TRIO: variants seen among roughly 807,000 people sequenced by gnomAD.
The protein encoded by TRIO is triple functional domain protein.
Under a neutral mutation model 351.9 loss-of-function variants are expected in TRIO, and 58 were observed. That is an observed-to-expected ratio of 0.16 (90% CI 0.13 to 0.21). The LOEUF is 0.21. TRIO is among the 10% of genes least tolerant of loss of function. The pLI, the probability that TRIO is intolerant of heterozygous loss-of-function variation, is 1.00. For missense variants in TRIO, 3,201 were observed against 4,027.8 expected, an observed-to-expected ratio of 0.79 and a Z score of 5.56; for synonymous variants, 1,758 against 1,595.7, an observed-to-expected ratio of 1.10 and a Z score of -2.42.
chr5:14,184,849 G>A (rs765894770), intron 1 of TRIO, among the ~76,000 whole-genome samples: 6 of 152,088 alleles, frequency 3.9e-5, no homozygotes, highest in Non-Finnish European at 5.9e-5. Context: ...CCCTCCTGGC[G>A]TCTGTACTCT....
intron 16 of TRIO, 116 bp downstream of exon 16, chr5:14,367,095 G>C: frequency 1.4e-6 from 2 of 1,410,510 alleles, no homozygotes; most frequent in Non-Finnish European, 1.9e-6. Flanking sequence ...TGGTAAAGAC[G>C]ACTCAGAGGA....
chr5:14,509,973 T>C lies in TRIO; in HGVS notation c.*1551T>C, dbSNP rs1757980845. On this transcript the variant is annotated 3_prime_UTR_variant, in exon 57 of 57. Transcript: ENST00000344204. Reference sequence around the variant, plus strand: ...TTGGGTTTTTGTTTGTTTCTTCTTGTAAAATTGTACAGAAACTTTTTAAAA... The same window carrying C: ...TTGGGTTTTTGTTTGTTTCTTCTTGCAAAATTGTACAGAAACTTTTTAAAA... 1 of 152,290 alleles carries C rather than the reference T, an allele frequency of 6.6e-6. No homozygotes were observed. Among genetic ancestry groups the C allele is most frequent in the Non-Finnish European group, 1.5e-5 (1 of 68,060 alleles). 9.4% of individuals were successfully genotyped at this position (152,290 alleles called of 1,614,324 possible). A position where few individuals can be genotyped will look rare whatever the true frequency, so the allele number is the denominator to read the frequency against.
chr5:14,364,545 A>C, intron 14 of TRIO, 105 bp from the exon 15 acceptor site: 3 of 1,409,538 alleles, frequency 2.1e-6, no homozygotes, highest in East Asian at 2.3e-5. Flanking sequence ...CTTGGCCCCC[A>C]GCTGGGCAGA....
At chr5:14,446,619 C>T (rs1413036608) in intron 34 of TRIO, among the ~76,000 whole-genome samples, 2 of 151,986 alleles carry the variant, frequency 1.3e-5, no homozygotes, top group African/African-American at 2.4e-5. Context: ...CACCTGGGGG[C>T]GCTTTACCTC....
chr5:14,275,961 C>CAT (rs1209132015), intron 2 of TRIO, among the ~76,000 whole-genome samples: 2 of 143,950 alleles, frequency 1.4e-5, no homozygotes, highest in Admixed American at 7.0e-5. Flanking sequence ...CATATATATA[C>CAT]ATATATATAC....
intron 1 of TRIO, among the ~76,000 whole-genome samples, chr5:14,184,806 C>T (rs1436144273): frequency 6.6e-6 from 1 of 152,106 alleles, no homozygotes; most frequent in Non-Finnish European, 1.5e-5. Flanking sequence ...AGTGCGGTTG[C>T]GGGGTTGGTG....
At chr5:14,364,110 G>A (rs367937112) in intron 14 of TRIO, among the ~76,000 whole-genome samples, 183 bp downstream of exon 14, 1 of 152,180 alleles carries the variant, frequency 6.6e-6, no homozygotes, top group East Asian at 1.9e-4. Flanking sequence ...CATGGTTAGA[G>A]TACTCACCCA....
At chr5:14,313,354 A>G (rs772885440) in intron 8 of TRIO, among the ~76,000 whole-genome samples, 3 of 152,214 alleles carry the variant, frequency 2.0e-5, no homozygotes, top group Admixed American at 6.5e-5. Context: ...TTCGAAATCC[A>G]GTCATGATCT....
At chr5:14,391,840 C>T (rs532746147) in intron 27 of TRIO, among the ~76,000 whole-genome samples, 22 of 152,294 alleles carry the variant, frequency 1.4e-4, no homozygotes, top group African/African-American at 5.3e-4. Flanking sequence ...AGATGAAGCC[C>T]TACCTGTAGA....
intron 1 of TRIO, among the ~76,000 whole-genome samples, chr5:14,196,940 G>A (rs1414160316): frequency 2.0e-5 from 3 of 152,228 alleles, no homozygotes. Context: ...AACAACTTCA[G>A]GTGAGTCTAA....
intron 1 of TRIO, among the ~76,000 whole-genome samples, chr5:14,180,330 G>A (rs1048710836): frequency 1.9e-4 from 29 of 152,170 alleles, no homozygotes; most frequent in African/African-American, 6.7e-4. Flanking sequence ...TGAAGGTAAT[G>A]GGACAAAAGA....
chr5:14,185,024 T>G (rs571462049), intron 1 of TRIO, among the ~76,000 whole-genome samples: 179 of 152,316 alleles, frequency 1.2e-3, no homozygotes, highest in Non-Finnish European at 1.2e-3. Flanking sequence ...CCATGACTCA[T>G]GGACAGTTTT....
In TRIO at chr5:14,222,146, T is replaced by TC. The variant is rs1391564560; in HGVS notation, c.158-48679_158-48678insC. On this transcript the variant is annotated intron_variant, in intron 1 of 56. Transcript: ENST00000344204. ...GATGTTAGCACTTTTTCTTTTCTTTTTTTTTTTTTTAGCAATAAAGTATTT... is the reference window on the plus strand; with the variant it reads ...GATGTTAGCACTTTTTCTTTTCTTTTCTTTTTTTTTTAGCAATAAAGTATTT... Among the ~76,000 whole-genome samples the TC allele has an allele frequency of 7.9e-5, 12 of 151,532 alleles. 1 individual carries two copies. Among genetic ancestry groups the TC allele is most frequent in the East Asian group, 3.9e-4 (2 of 5,166 alleles).
intron 1 of TRIO, among the ~76,000 whole-genome samples, chr5:14,162,305 CTG>C (rs1427730570): frequency 1.3e-5 from 2 of 152,192 alleles, no homozygotes; most frequent in Non-Finnish European, 2.9e-5. Flanking sequence ...TTTGAAGTCA[CTG>C]TGTTGCCATA....
chr5:14,499,798 T>G (rs539973674), intron 53 of TRIO, among the ~76,000 whole-genome samples: 1 of 152,066 alleles, frequency 6.6e-6, no homozygotes, highest in East Asian at 1.9e-4. Flanking sequence ...ACACCTGTAA[T>G]CCCAGCGCTT....
intron 8 of TRIO, among the ~76,000 whole-genome samples, chr5:14,312,264 C>A (rs1322709832): frequency 6.6e-6 from 1 of 152,182 alleles, no homozygotes; most frequent in East Asian, 1.9e-4. Context: ...AGTAAATATT[C>A]AAGAAGCAGC....
chr5:14,368,621 G>A, intron 16 of TRIO, 87 bp from the exon 17 acceptor site: 1 of 1,410,972 alleles, frequency 7.1e-7, no homozygotes, highest in Non-Finnish European at 9.7e-7. Context: ...AAATCATGAA[G>A]AACAGAGTAA....
At chr5:14,504,870 C>G (rs982904968) in intron 55 of TRIO, among the ~76,000 whole-genome samples, 5 of 147,932 alleles carry the variant, frequency 3.4e-5, no homozygotes, top group African/African-American at 1.3e-4. Context: ...ACCCCCCCCA[C>G]CCCTTTTCTG....
At chr5:14,162,749 A>C (rs1192519330) in intron 1 of TRIO, among the ~76,000 whole-genome samples, 2 of 152,238 alleles carry the variant, frequency 1.3e-5, no homozygotes, top group Admixed American at 6.5e-5. Flanking sequence ...AGATTCAGGC[A>C]GCATAATCAC....
Sources: allele counts gnomAD v4.1 joint callset (sites outside exome capture counted in the v4.1 genomes callset), GRCh38; gene constraint gnomAD v4.1.1; transcripts MANE v1.5; gene names NCBI Gene and HGNC (gene_info 2026-07-23, HGNC 2026-07-21).